The following GFUS variants were observed in gnomAD, a reference collection of about 807,000 sequenced individuals.
GFUS encodes the protein GDP-L-fucose synthase.
In GFUS, 42 loss-of-function variants were observed where a neutral mutation model predicts 41.5. The observed-to-expected ratio is 1.01, with a 90% CI of 0.79 to 1.31. The LOEUF (loss-of-function observed/expected upper bound fraction) is 1.31, where lower values mean the gene tolerates loss of function less well. Ranked by LOEUF, GFUS falls within the 50% of genes most tolerant of loss-of-function variation. The pLI is 0.00. For missense variants in GFUS, 437 were observed against 428.7 expected (o/e 1.02, Z -0.17); for synonymous variants, 188 against 173.4 (o/e 1.08, Z -0.66).
chr8:143,613,331 C>T (rs1829626108), intron 9 of GFUS, 36 bp from the exon 10 acceptor site: 1 of 1,593,556 alleles, frequency 6.3e-7, no homozygotes, highest in Non-Finnish European at 8.6e-7. Context: ...GAGAAGAGCA[C>T]CTCCACCCCA....
chr8:143,615,792 AG>A, intron 3 of GFUS: 1 of 325,414 alleles, frequency 3.1e-6, no homozygotes, highest in East Asian at 5.6e-5. Flanking sequence ...CTGGGGACTC[AG>A]GGGGCAGGAA....
At position 143,613,537 on chromosome 8, in the gene GFUS, T is replaced by G; in HGVS notation, c.797A>C (p.His266Pro). The G allele has an allele frequency of 6.2e-7, 1 of 1,610,824 alleles. No individual in the cohort carries two copies. The highest frequency in any genetic ancestry group is 1.3e-5 in the African/African-American group (1 of 75,010). ...GCCAGAGGATACGGTGACTTCCCCA[T>G]GGAAGTCCATGGCCTCCACCACCGC... ...AEAVVEAMDF[H>P]GEVTFDTTKS... Residue 266 changes from histidine to proline, a missense_variant, in exon 9 of 11, where the codon CAT (histidine) becomes CCT (proline). By Grantham distance (77) the His-to-Pro change is moderately conservative. Transcript: ENST00000425753.
At chr8:143,615,374 C>T (rs1040694755) in intron 3 of GFUS, among the ~76,000 whole-genome samples, 12 of 152,238 alleles carry the variant, frequency 7.9e-5, no homozygotes, top group African/African-American at 2.9e-4. Context: ...GCGGGCCCCA[C>T]TTCCCGTGCA....
At chr8:143,616,825 G>A (rs1829740262) in intron 1 of GFUS, 102 bp from the exon 2 acceptor site, 3 of 1,423,544 alleles carry the variant, frequency 2.1e-6, no homozygotes, top group South Asian at 2.5e-5. Flanking sequence ...TCAGAGTGGG[G>A]CATAGTCCAC....
Position 143,614,453 on chromosome 8 carries a change from C to T in GFUS, c.465G>A (p.Arg155=). ...TGCAGCCGTACTGCTGGAAGTAGGC[C>T]CTGCGGAGGCACAGCGTCTCCTGCC... ...YAKRMIDVQN[R]AYFQQYGCTF... The change falls in exon 6 of 11, where the codon AGG becomes AGA. Residue 155 remains arginine, a splice_region_variant and synonymous_variant. Transcript: ENST00000425753. The T allele has an allele frequency of 1.9e-6, 3 of 1,610,028 alleles. No homozygotes were observed. The South Asian group carries it at 3.3e-5, about 18-fold the overall frequency.
rs1001602061 is a variant in GFUS at position 143,617,064 on chromosome 8, C to T, written c.-11-341G>A. ...TGGGACGGGGGCTCCTGGCACAGGTCGTTAACACGGTTCGCAGCTAAAGCC... is the reference window on the plus strand; with the variant it reads ...TGGGACGGGGGCTCCTGGCACAGGTTGTTAACACGGTTCGCAGCTAAAGCC... On this transcript the variant is annotated intron_variant, in intron 1 of 10. Coordinates refer to ENST00000425753, the MANE Select transcript of GFUS (RefSeq NM_003313.4). The T allele has an allele frequency of 2.2e-5, 7 of 311,298 alleles. No individual in the cohort carries two copies. The East Asian group carries it at 4.4e-4, about 19-fold the overall frequency. 19.3% of individuals were successfully genotyped at this position (311,298 alleles called of 1,614,324 possible).
At chr8:143,616,501 ACT>A (rs1829729352) in intron 2 of GFUS, 64 bp downstream of exon 2, 2 of 1,607,722 alleles carry the variant, frequency 1.2e-6, no homozygotes, top group Non-Finnish European at 1.7e-6. Flanking sequence ...CCAGCCTGGA[ACT>A]CTTAGTTCTA....
chr8:143,616,291 A>G, intron 2 of GFUS, 71 bp from the exon 3 acceptor site: 1 of 1,453,860 alleles, frequency 6.9e-7, no homozygotes, highest in Non-Finnish European at 9.7e-7. Context: ...CAAGTGCAGG[A>G]ACTGGGTGGG....
upstream of GFUS, chr8:143,617,602 G>T (rs1829762569): frequency 6.6e-6 from 1 of 152,124 alleles, no homozygotes. Context: ...TGGAGTCCCG[G>T]GGGCGCGCAG....
In GFUS at chr8:143,612,874, C is replaced by CCA; in HGVS notation, c.*35_*36insTG. On this transcript the variant is annotated 3_prime_UTR_variant, in exon 11 of 11. Coordinates refer to ENST00000425753, the MANE Select transcript of GFUS (RefSeq NM_003313.4). Reference sequence around the variant, plus strand: ...GTGGTGGCCGCTGGGCTCTGCCAGCCGATGGTCCGCTGGCACCTGATCCTG... The same window carrying CCA: ...GTGGTGGCCGCTGGGCTCTGCCAGCCCAGATGGTCCGCTGGCACCTGATCCTG... The CCA allele has an allele frequency of 6.3e-7, 1 of 1,587,202 alleles. No homozygotes were observed. The highest frequency in any genetic ancestry group is 1.8e-5 in the Admixed American group (1 of 56,780).
At position 143,613,837 on chromosome 8, in the gene GFUS, G is replaced by C; in HGVS notation, c.664-20C>G. 3 of 1,550,482 alleles carry C rather than the reference G, an allele frequency of 1.9e-6. No homozygotes were observed. The highest frequency in any genetic ancestry group is 1.4e-5 in the African/African-American group (1 of 73,156). ...CAGGTCCTAGAGGTCAGACAGGCAG[G>C]GTCAGAGACCATGGGTATAGCCAAC... On this transcript the variant is annotated intron_variant, in intron 7 of 10. Transcript: ENST00000425753.
chr8:143,614,189 G>A lies in GFUS; in HGVS notation c.638C>T (p.Pro213Leu), dbSNP rs142621980. The stretch of plus-strand genomic sequence containing the variant: ...CAGCGAGTATATGAACTGCCTCCGC[G>A]GATTCCCTGTACCCCACACCGTCAG... ...SALTVWGTGN[P>L]RRQFIYSLDL... The change falls in exon 7 of 11, where the codon CCG becomes CTG. Residue 213 changes from proline to leucine, a missense_variant. Pro to Leu is a moderately conservative substitution (Grantham distance 98). Transcript: ENST00000425753. 110 of 1,613,510 alleles carry A rather than the reference G, an allele frequency of 6.8e-5. No individual in the cohort carries two copies. In the African/African-American group the frequency reaches 1.0e-3, roughly 15 times the overall value.
At chr8:143,614,291 C>T (rs117083418) in intron 6 of GFUS, 29 bp downstream of exon 6, 66,648 of 1,613,670 alleles carry the variant, frequency 0.041, 1,653 homozygotes, top group Non-Finnish European at 0.049. Flanking sequence ...GAGCTGAGCC[C>T]GGGCACCCCA....
intron 9 of GFUS, 105 bp downstream of exon 9, chr8:143,613,419 A>C: frequency 6.7e-7 from 1 of 1,492,650 alleles, no homozygotes; most frequent in South Asian, 1.2e-5. Context: ...CAGGGTGAGC[A>C]TCCTCCCTCC....
chr8:143,616,975 C>T, intron 1 of GFUS: 1 of 557,284 alleles, frequency 1.8e-6, no homozygotes, highest in South Asian at 2.3e-5. Context: ...CACGACTCCC[C>T]ACTAGGCCGA....
chr8:143,615,050 G>A (rs993047738), intron 3 of GFUS, 135 bp from the exon 4 acceptor site: 3 of 1,374,338 alleles, frequency 2.2e-6, no homozygotes, highest in South Asian at 1.5e-5. Flanking sequence ...CATCCTAACC[G>A]TTTCCGGACA....
At position 143,613,594 on chromosome 8, in the gene GFUS, T is replaced by G. The variant is rs372009690; in HGVS notation, c.740A>C (p.Glu247Ala). 70 of 1,611,882 alleles carry G rather than the reference T, an allele frequency of 4.3e-5. 1 individual carries two copies. The highest frequency in any genetic ancestry group is 5.4e-5 in the Non-Finnish European group (64 of 1,179,902). ...TGCCTCCTTGATGGAGACCTCATCT[T>G]CCTCGCCCACTGTGGGGAGCCACCG... is the stretch of plus-strand genomic sequence containing the variant. Reference protein sequence around the residue: ...VEPIILSVGEEDEVSIKEAAE... With the variant: ...VEPIILSVGEADEVSIKEAAE... The change falls in exon 9 of 11, where the codon GAA becomes GCA. Residue 247 changes from glutamate (E) to alanine (A), a missense_variant. Glu to Ala is a moderately radical substitution (Grantham distance 107, BLOSUM62 -1). Coordinates refer to ENST00000425753, the MANE Select transcript of GFUS (RefSeq NM_003313.4).
rs759181230 is a variant in GFUS, at chr8:143,612,858, G to A, written c.*52C>T. The A allele has an allele frequency of 3.6e-5, 57 of 1,567,198 alleles. No individual in the cohort carries two copies. In the South Asian group the frequency reaches 3.9e-4, roughly 11 times the overall value. On this transcript the variant is annotated 3_prime_UTR_variant, in exon 11 of 11. Transcript: ENST00000425753. ...CTGGCAGGGTTGACGGGTGGTGGCC[G>A]CTGGGCTCTGCCAGCCGATGGTCCG...
At chr8:143,613,627 C>T in intron 8 of GFUS, 24 bp from the exon 9 acceptor site, 1 of 1,611,206 alleles carries the variant, frequency 6.2e-7, no homozygotes, top group East Asian at 2.2e-5. Flanking sequence ...CCGGGTCAGG[C>T]CTCCCCTTGG....
Sources: allele counts gnomAD v4.1 joint callset (sites outside exome capture counted in the v4.1 genomes callset), GRCh38; gene constraint gnomAD v4.1.1; transcripts MANE v1.5; gene names NCBI Gene and HGNC (gene_info 2026-07-23, HGNC 2026-07-21).